Variants in SCAPER observed in about 807,000 individuals in gnomAD.
The protein encoded by SCAPER is S-phase cyclin A associated protein in the ER.
Under a neutral mutation model 182.2 loss-of-function variants are expected in SCAPER, and 98 were observed. The observed-to-expected ratio is 0.54, with a 90% confidence interval of 0.46 to 0.64. The LOEUF (loss-of-function observed/expected upper bound fraction) is 0.64, where lower values mean the gene tolerates loss of function less well. Among genes scored for constraint, SCAPER ranks in the 30% least tolerant of loss-of-function variants. The pLI is 0.00. For missense variants in SCAPER, 1,432 were observed against 1,690.0 expected, an observed-to-expected ratio of 0.85 and a Z score of 2.68; for synonymous variants, 605 against 564.6, an observed-to-expected ratio of 1.07 and a Z score of -1.01.
chr15:76,602,074 C>CT lies in SCAPER; in HGVS notation c.2711+19689dup, dbSNP rs1180798433. On this transcript the variant is annotated intron_variant, in intron 22 of 31. Transcript: ENST00000563290. ...CTTGGGTAGTTCAAACCCATGCTGT[C>CT]TAAGGGTCAACTGTACATACACACA... Among the ~76,000 whole-genome samples, 14 of 121,642 alleles carry CT rather than the reference C, an allele frequency of 1.2e-4. 1 individual carries two copies. The East Asian group carries it at 3.1e-3, about 27-fold the overall frequency. The allele number at this position is 121,642 out of a possible 152,430, so 79.8% of individuals were successfully genotyped here.
intron 1 of SCAPER, among the ~76,000 whole-genome samples, chr15:76,886,190 A>C (rs2073829148): frequency 6.6e-6 from 1 of 152,244 alleles, no homozygotes; most frequent in African/African-American, 2.4e-5. Context: ...TATAAAAATA[A>C]AACTCACAAC....
At chr15:76,862,914 A>T (rs1418868415) in intron 2 of SCAPER, among the ~76,000 whole-genome samples, 1 of 152,198 alleles carries the variant, frequency 6.6e-6, no homozygotes, top group Non-Finnish European at 1.5e-5. Context: ...TCAGCATAAA[A>T]TATTTTGGAA....
In SCAPER at chr15:76,881,896, AT is replaced by A. The variant is rs796849988; in HGVS notation, c.6+1915del. 2.6e-5 allele frequency among the ~76,000 whole-genome samples: 4 copies of A among 152,240 alleles called. No homozygotes were observed. In the South Asian group the frequency reaches 8.3e-4, roughly 32 times the overall value. ...ATGTCATGTTATTTGTATTAGCACA[AT>A]TTAAAAAAATTAATGTTACCCACAA... On this transcript the variant is annotated intron_variant, in intron 2 of 31. Coordinates refer to ENST00000563290, the MANE Select transcript of SCAPER (RefSeq NM_020843.4).
intron 14 of SCAPER, 74 bp from the exon 15 acceptor site, chr15:76,754,022 G>A (rs1197176547): frequency 1.4e-6 from 2 of 1,476,558 alleles, no homozygotes; most frequent in African/African-American, 1.4e-5. Flanking sequence ...ACAAGTAAAT[G>A]GCTTATGAAA....
chr15:76,366,453 T>C (rs1162922919), intron 29 of SCAPER, among the ~76,000 whole-genome samples: 2 of 152,230 alleles, frequency 1.3e-5, no homozygotes, highest in Admixed American at 6.5e-5. Context: ...ATCATAAAAA[T>C]ATAATAGTCA....
At chr15:76,458,423 C>CAT (rs894312539) in intron 25 of SCAPER, among the ~76,000 whole-genome samples, 91 of 152,128 alleles carry the variant, frequency 6.0e-4, no homozygotes, top group African/African-American at 1.7e-3. Context: ...CACACACACA[C>CAT]ATATATATAC....
intron 5 of SCAPER, among the ~76,000 whole-genome samples, chr15:76,808,041 T>C (rs2066305104): frequency 6.6e-6 from 1 of 152,138 alleles, no homozygotes; most frequent in Non-Finnish European, 1.5e-5. Flanking sequence ...AGGGACTCAG[T>C]ATTCTGAGTC....
intron 22 of SCAPER, among the ~76,000 whole-genome samples, chr15:76,610,817 A>G (rs927898134): frequency 6.6e-6 from 1 of 152,182 alleles, no homozygotes; most frequent in Non-Finnish European, 1.5e-5. Context: ...ATGGATTGGA[A>G]TAATATTGTT....
At chr15:76,709,317 G>C (rs761585351) in intron 17 of SCAPER, among the ~76,000 whole-genome samples, 1 of 152,012 alleles carries the variant, frequency 6.6e-6, no homozygotes, top group Non-Finnish European at 1.5e-5. Flanking sequence ...TGCATTTTTA[G>C]TAGAGATGGG....
At chr15:76,653,187 C>T (rs1234276995) in intron 21 of SCAPER, among the ~76,000 whole-genome samples, 1 of 151,984 alleles carries the variant, frequency 6.6e-6, no homozygotes, top group Non-Finnish European at 1.5e-5. Flanking sequence ...AAAAGAACAA[C>T]TACAAAACTG....
intron 29 of SCAPER, 96 bp downstream of exon 29, chr15:76,376,066 T>C (rs990778445): frequency 1.8e-5 from 26 of 1,481,332 alleles, no homozygotes; most frequent in Non-Finnish European, 2.3e-5. Context: ...CAGAGGACAT[T>C]TGGGTTCCAG....
chr15:76,348,568 G>A lies in SCAPER; in HGVS notation c.*65C>T, dbSNP rs2040319604. On this transcript the variant is annotated 3_prime_UTR_variant, in exon 32 of 32. Coordinates refer to ENST00000563290, the MANE Select transcript of SCAPER (RefSeq NM_020843.4). ...AAAATGAGTTCTTAAGGAACAATTA[G>A]AATGTTTGTTTGGACAATTTAAAAT... 1.8e-6 allele frequency: 2 copies of A among 1,113,940 alleles called. No homozygotes were observed. The highest frequency in any genetic ancestry group is 4.9e-5 in the Admixed American group (2 of 40,418). The allele number at this position is 1,113,940 out of a possible 1,614,324, so 69.0% of individuals were successfully genotyped here.
At chr15:76,881,294 C>T (rs563112029) in intron 2 of SCAPER, among the ~76,000 whole-genome samples, 28 of 152,288 alleles carry the variant, frequency 1.8e-4, no homozygotes, top group East Asian at 1.9e-4. Context: ...CAGGGTTTCG[C>T]CATGTTGGCC....
chr15:76,600,427 G>A lies in SCAPER; in HGVS notation c.2711+21337C>T, dbSNP rs1451681151. Among the ~76,000 whole-genome samples the A allele has an allele frequency of 1.5e-4, 8 of 52,722 alleles. 3 individuals are homozygous for A. The highest frequency in any genetic ancestry group is 1.9e-4 in the Non-Finnish European group (4 of 20,518). 34.6% of individuals were successfully genotyped at this position (52,722 alleles called of 152,430 possible). A position where few individuals can be genotyped will look rare whatever the true frequency, so the allele number is the denominator to read the frequency against. ...TGTGTGTGTGTGTGTGTGTGTGTGT[G>A]TGTATACATATACATATATATATAT... On this transcript the variant is annotated intron_variant, in intron 22 of 31. Transcript: ENST00000563290.
intron 23 of SCAPER, chr15:76,567,316 A>C (rs1157175549): frequency 2.2e-6 from 1 of 454,080 alleles, no homozygotes; most frequent in Admixed American, 2.4e-5. Flanking sequence ...ACTATTTTCC[A>C]TATGTGGTGA....
Position 76,814,301 on chromosome 15 carries a change from A to G in SCAPER, c.394-9668T>C, listed in dbSNP as rs79080265. Among the ~76,000 whole-genome samples, 1,387 of 152,364 alleles carry G rather than the reference A, an allele frequency of 9.1e-3. 22 individuals carry two copies. Among genetic ancestry groups the G allele is most frequent in the African/African-American group, 0.032 (1,347 of 41,586 alleles). ...AACTACAAAAAACTTTAAATAGCCA[A>G]AACAATGTGGAGAGAGAAAAATTAA... On this transcript the variant is annotated intron_variant, in intron 5 of 31. Coordinates refer to ENST00000563290, the MANE Select transcript of SCAPER (RefSeq NM_020843.4).
At chr15:76,662,129 A>G (rs1445085838) in intron 21 of SCAPER, among the ~76,000 whole-genome samples, 1 of 152,188 alleles carries the variant, frequency 6.6e-6, no homozygotes, top group African/African-American at 2.4e-5. Flanking sequence ...GGAGCTGAAC[A>G]ATGAGAACAC....
intron 26 of SCAPER, among the ~76,000 whole-genome samples, chr15:76,410,093 T>C (rs534647315): frequency 6.6e-6 from 1 of 152,204 alleles, no homozygotes; most frequent in South Asian, 2.1e-4. Flanking sequence ...GCATCCGGCC[T>C]ACTTCTTTTC....
intron 24 of SCAPER, among the ~76,000 whole-genome samples, chr15:76,498,829 G>A (rs956132759): frequency 6.6e-6 from 1 of 152,148 alleles, no homozygotes; most frequent in South Asian, 2.1e-4. Flanking sequence ...TCTTCCTAGT[G>A]AACAAAGCTC....
Sources: gnomAD v4.1 joint callset for allele counts (sites outside exome capture counted in the v4.1 genomes callset) on GRCh38, gnomAD v4.1.1 for gene constraint, MANE v1.5 for transcripts, NCBI Gene and HGNC (gene_info 2026-07-23, HGNC 2026-07-21) for gene names.